The following UBA3 variants were observed in gnomAD, a reference collection of about 807,000 sequenced individuals.
UBA3 encodes ubiquitin like modifier activating enzyme 3.
In UBA3, 26 loss-of-function variants were observed where a neutral mutation model predicts 73.5. The ratio of observed to expected loss-of-function variants is 0.35; its 90% CI spans 0.26 to 0.49. UBA3 has a LOEUF of 0.49. Ranked by LOEUF, UBA3 falls within the 20% of genes least tolerant of loss-of-function variation. The pLI, the probability that UBA3 is intolerant of heterozygous loss-of-function variation, is 0.98. For synonymous variants in UBA3, 217 were observed against 191.2 expected (o/e 1.13, Z -1.11); for missense variants, 495 against 555.6 (o/e 0.89, Z 1.10).
chr3:69,059,512 A>G (rs2092004667), intron 11 of UBA3, among the ~76,000 whole-genome samples: 1 of 152,208 alleles, frequency 6.6e-6, no homozygotes, highest in African/African-American at 2.4e-5. Flanking sequence ...CTGGTTAAGC[A>G]GACACCTAAG....
In UBA3 at chr3:69,075,529, C is replaced by A; in HGVS notation, c.184-19G>T. 3 of 1,486,254 alleles carry A rather than the reference C, an allele frequency of 2.0e-6. No individual in the cohort carries two copies. The highest frequency in any genetic ancestry group is 1.3e-5 in the South Asian group (1 of 74,914). The allele number at this position is 1,486,254 out of a possible 1,614,324, so 92.1% of individuals were successfully genotyped here. On this transcript the variant is annotated intron_variant, in intron 3 of 17. Transcript: ENST00000361055. Reference sequence around the variant, plus strand: ...GGAGAGACTGTAAAGAATGGAAAGGCATATTAAAAGCTGGGTGATAACCGC... The same window carrying A: ...GGAGAGACTGTAAAGAATGGAAAGGAATATTAAAAGCTGGGTGATAACCGC...
chr3:69,059,337 A>G (rs2092002827), intron 11 of UBA3, among the ~76,000 whole-genome samples: 1 of 152,246 alleles, frequency 6.6e-6, no homozygotes, highest in Non-Finnish European at 1.5e-5. Flanking sequence ...TGTAAACAGC[A>G]ATGGCAATGG....
At chr3:69,056,316 C>T (rs757306943) in intron 14 of UBA3, 33 bp from the exon 15 acceptor site, 1 of 1,432,548 alleles carries the variant, frequency 7.0e-7, no homozygotes, top group South Asian at 1.3e-5. Flanking sequence ...ATTACAGCAG[C>T]ACATGCACCA....
Position 69,063,465 on chromosome 3 carries a change from C to G in UBA3, c.511G>C (p.Ala171Pro). ...AGCATGCCATTTATCCATCTTCTGGCGATGATAGAGTCCAGTCCACATACA... is the reference window on the plus strand; with the variant it reads ...AGCATGCCATTTATCCATCTTCTGGGGATGATAGAGTCCAGTCCACATACA... ...IIVCGLDSII[A>P]RRWINGMLIS... is the part of the protein sequence containing the mutation. Residue 171 changes from alanine to proline, a missense_variant, in exon 8 of 18, where the codon GCC becomes CCC. Transcript: ENST00000361055. 1 of 1,584,844 alleles carries G rather than the reference C, an allele frequency of 6.3e-7. No individual in the cohort carries two copies. Among genetic ancestry groups the G allele is most frequent in the Non-Finnish European group, 8.5e-7 (1 of 1,169,764 alleles).
intron 4 of UBA3, among the ~76,000 whole-genome samples, chr3:69,072,517 A>G (rs1046920597): frequency 6.6e-6 from 1 of 152,230 alleles, no homozygotes; most frequent in African/African-American, 2.4e-5. Flanking sequence ...TTTCTGAGGT[A>G]TTAGGCTGGG....
intron 11 of UBA3, among the ~76,000 whole-genome samples, chr3:69,058,324 A>G (rs2091994324): frequency 6.6e-6 from 1 of 152,242 alleles, no homozygotes; most frequent in Non-Finnish European, 1.5e-5. Context: ...TGTTCATTTT[A>G]GAAGACAAAA....
intron 14 of UBA3, 156 bp downstream of exon 14, chr3:69,056,456 G>T (rs1424068573): frequency 3.5e-6 from 3 of 853,578 alleles, no homozygotes; most frequent in South Asian, 2.1e-5. Flanking sequence ...AAATTACTTC[G>T]CTATAGAGTT....
chr3:69,058,884 C>T (rs1005535776), intron 11 of UBA3, among the ~76,000 whole-genome samples: 1 of 152,180 alleles, frequency 6.6e-6, no homozygotes, highest in Admixed American at 6.5e-5. Flanking sequence ...TTGAGGCCCT[C>T]ATTCACCAGC....
intron 5 of UBA3, among the ~76,000 whole-genome samples, chr3:69,069,712 CA>C (rs1175515935): frequency 6.6e-6 from 1 of 152,132 alleles, no homozygotes. Flanking sequence ...TACTAACTTA[CA>C]TAAAAAAGGC....
chr3:69,073,718 C>T (rs890033189), intron 4 of UBA3, among the ~76,000 whole-genome samples: 26 of 150,472 alleles, frequency 1.7e-4, no homozygotes, highest in African/African-American at 6.4e-4. Flanking sequence ...TCACTGCAAG[C>T]TCTGCCTCCC....
At chr3:69,071,374 T>TA (rs2092120824) in intron 5 of UBA3, 161 bp downstream of exon 5, 1 of 516,312 alleles carries the variant, frequency 1.9e-6, no homozygotes, top group Non-Finnish European at 3.4e-6. Flanking sequence ...AAAATTTTCT[T>TA]ACAAAACTTT....
chr3:69,076,044 A>G (rs1452461372), intron 3 of UBA3, among the ~76,000 whole-genome samples: 1 of 152,150 alleles, frequency 6.6e-6, no homozygotes, highest in Non-Finnish European at 1.5e-5. Context: ...TAATGTTTTT[A>G]AATTGCCTTT....
At chr3:69,061,583 C>A in intron 11 of UBA3, 1 of 403,096 alleles carries the variant, frequency 2.5e-6, no homozygotes, top group Middle Eastern at 4.1e-4. Flanking sequence ...ATGATGAATT[C>A]AGTGGAAGAT....
intron 3 of UBA3, among the ~76,000 whole-genome samples, chr3:69,076,765 T>TA (rs200176409): frequency 0.012 from 1,752 of 145,040 alleles, 25 homozygotes; most frequent in African/African-American, 0.042. Context: ...TTTTTCTTTC[T>TA]TTTTTTTTTT....
Position 69,077,812 on chromosome 3 carries a change from C to G in UBA3, c.169G>C (p.Glu57Gln), listed in dbSNP as rs762107843. 1.2e-6 allele frequency: 2 copies of G among 1,612,864 alleles called. No homozygotes were observed. Among genetic ancestry groups the G allele is most frequent in the Non-Finnish European group, 1.7e-6 (2 of 1,179,318 alleles). Residue 57 changes from glutamate to glutamine, a missense_variant, in exon 3 of 18, where the codon GAA (glutamate) becomes CAA (glutamine). Coordinates refer to ENST00000361055, the MANE Select transcript of UBA3 (RefSeq NM_003968.4). ...RSGPFTHPDF[E>Q]PSTESLQFLL... ...ACGTTTCTCACTTCAGTGCTCGGTT[C>G]GAAATCAGGGTGTGTGAAGGGTCCA...
Position 69,068,017 on chromosome 3 carries a change from A to C in UBA3, c.348-9T>G. The C allele has an allele frequency of 6.6e-7, 1 of 1,515,764 alleles. No homozygotes were observed. The allele number at this position is 1,515,764 out of a possible 1,614,324, so 93.9% of individuals were successfully genotyped here. A position where few individuals can be genotyped will look rare whatever the true frequency, so the allele number is the denominator to read the frequency against. Reference sequence around the variant, plus strand: ...TTCCAATATCTTTAGGCCTACAGGAAAAATATTTAAATTATAATTCATATT... The same window carrying C: ...TTCCAATATCTTTAGGCCTACAGGACAAATATTTAAATTATAATTCATATT... On this transcript the variant is annotated splice_polypyrimidine_tract_variant and intron_variant, in intron 5 of 17. Transcript: ENST00000361055.
rs1400895219 is a variant in UBA3, at chr3:69,057,321, T to C, written c.911-12A>G. The C allele has an allele frequency of 1.9e-6, 3 of 1,605,364 alleles. No individual in the cohort carries two copies. The highest frequency in any genetic ancestry group is 2.6e-6 in the Non-Finnish European group (3 of 1,175,620). On this transcript the variant is annotated splice_polypyrimidine_tract_variant and intron_variant, in intron 11 of 17. Transcript: ENST00000361055. ...TCTTTTTACTACCCCTGAAAAAACA[T>C]ATCAATTAAAATATGGTCATTTCTT...
Position 69,069,628 on chromosome 3 carries a change from A to G in UBA3, c.348-1620T>C, listed in dbSNP as rs528384339. On this transcript the variant is annotated intron_variant, in intron 5 of 17. Transcript: ENST00000361055. Reference sequence around the variant, plus strand: ...AGGCATGAGCCACCATGCCAGGCCAATTTTTTTTCTCTCCAATAAAGCACT... The same window carrying G: ...AGGCATGAGCCACCATGCCAGGCCAGTTTTTTTTCTCTCCAATAAAGCACT... Among the ~76,000 whole-genome samples, 4 of 151,980 alleles carry G rather than the reference A, an allele frequency of 2.6e-5. No individual in the cohort carries two copies. In the South Asian group the frequency reaches 8.3e-4, roughly 32 times the overall value.
At chr3:69,079,383 G>C (rs1467707511) in intron 2 of UBA3, among the ~76,000 whole-genome samples, 4 of 152,216 alleles carry the variant, frequency 2.6e-5, no homozygotes, top group African/African-American at 9.6e-5. Flanking sequence ...AAAGATCAAA[G>C]CACTGCTACT....
Sources: allele counts gnomAD v4.1 joint callset (sites outside exome capture counted in the v4.1 genomes callset), GRCh38; gene constraint gnomAD v4.1.1; transcripts MANE v1.5; gene names NCBI Gene and HGNC (gene_info 2026-07-23, HGNC 2026-07-21).